PTPRD: variants seen among roughly 807,000 people sequenced by gnomAD.
The protein encoded by PTPRD is protein tyrosine phosphatase receptor type D.
A neutral mutation model predicts 214.5 loss-of-function variants in PTPRD; 34 were observed. The observed-to-expected ratio is 0.16, with a 90% CI of 0.12 to 0.21. PTPRD has a LOEUF of 0.21. Ranked by LOEUF, PTPRD falls within the 10% of genes least tolerant of loss-of-function variation. The pLI is 1.00. For missense variants in PTPRD, 2,545 were observed against 2,398.7 expected (o/e 1.06, Z -1.27); for synonymous variants, 1,128 against 845.7 (o/e 1.33, Z -5.79).
chr9:10,028,851 G>A (rs1583910), intron 4 of PTPRD, among the ~76,000 whole-genome samples: 1 of 152,148 alleles, frequency 6.6e-6, no homozygotes, highest in South Asian at 2.1e-4. Context: ...TAAGTAATGA[G>A]GATTCAAATT....
chr9:8,340,050 T>C lies in PTPRD; in HGVS notation c.5253+293A>G, dbSNP rs1850999135. On this transcript the variant is annotated intron_variant, in intron 42 of 45. Transcript: ENST00000381196. ...TGTCCAGAACAAAAGGCAGTAAGAA[T>C]ATGCTAAAAGAAGTCCGACATAAGT... 2.0e-5 allele frequency among the ~76,000 whole-genome samples: 3 copies of C among 152,092 alleles called. No homozygotes were observed. The South Asian group carries it at 6.2e-4, about 32-fold the overall frequency.
chr9:9,525,087 G>A (rs2073793265), intron 8 of PTPRD, among the ~76,000 whole-genome samples: 1 of 152,142 alleles, frequency 6.6e-6, no homozygotes, highest in South Asian at 2.1e-4. Context: ...TCGATCTCTT[G>A]ACCTCATGAT....
chr9:10,006,870 A>G (rs555531225), intron 4 of PTPRD, among the ~76,000 whole-genome samples: 1 of 152,098 alleles, frequency 6.6e-6, no homozygotes, highest in African/African-American at 2.4e-5. Flanking sequence ...ATATGGAACA[A>G]GGCTATTCTG....
rs150906305 is a variant in PTPRD at position 10,146,605 on chromosome 9, G to A, written c.-544-112815C>T. On this transcript the variant is annotated intron_variant, in intron 3 of 45. Transcript: ENST00000381196. ...GTCTTGAAAGCTAGAATTTTCTGAG[G>A]TGGAAATTTTTTCTAAAGCCCTTTA... Among the ~76,000 whole-genome samples the A allele has an allele frequency of 8.1e-4, 124 of 152,222 alleles. 3 individuals are homozygous for A. In the South Asian group the frequency reaches 0.024, roughly 30 times the overall value.
intron 9 of PTPRD, among the ~76,000 whole-genome samples, chr9:9,233,292 C>T (rs771493620): frequency 1.3e-4 from 20 of 152,196 alleles, no homozygotes; most frequent in African/African-American, 2.6e-4. Flanking sequence ...CATCAGATTT[C>T]GTGAGATCTC....
intron 11 of PTPRD, among the ~76,000 whole-genome samples, chr9:8,983,903 A>G (rs1349400981): frequency 6.6e-6 from 1 of 152,120 alleles, no homozygotes; most frequent in African/African-American, 2.4e-5. Context: ...AGGTTCAAAG[A>G]AATTAATTCA....
chr9:10,007,259 T>C (rs1489834842), intron 4 of PTPRD, among the ~76,000 whole-genome samples: 3 of 151,976 alleles, frequency 2.0e-5, no homozygotes, highest in Non-Finnish European at 4.4e-5. Context: ...ACTTTTACTT[T>C]ATCATGTTGG....
chr9:10,575,291 G>C (rs903600728), intron 2 of PTPRD, among the ~76,000 whole-genome samples: 2 of 151,936 alleles, frequency 1.3e-5, no homozygotes, highest in Non-Finnish European at 2.9e-5. Context: ...TGAAGAATAT[G>C]AAAGTTGGGA....
intron 11 of PTPRD, among the ~76,000 whole-genome samples, chr9:8,738,555 TA>T (rs542062239): frequency 6.3e-4 from 92 of 145,126 alleles, no homozygotes; most frequent in Admixed American, 1.2e-3. Flanking sequence ...TAGGCTATAT[TA>T]AAAAAAAAAA....
chr9:9,061,618 G>A (rs2099707560), intron 10 of PTPRD, among the ~76,000 whole-genome samples: 1 of 152,046 alleles, frequency 6.6e-6, no homozygotes, highest in South Asian at 2.1e-4. Flanking sequence ...AATGTAAGTG[G>A]AAAGGGTCAC....
rs1289772959 is a variant in PTPRD, at chr9:8,733,637, G to A, written c.64+143C>T. On this transcript the variant is annotated intron_variant, in intron 12 of 45. Transcript: ENST00000381196. Reference sequence around the variant, plus strand: ...ACGTCAATAATCTCTTTCAAAGGCTGGCTGGTAGCCAAGGAGGATCCCGCA... The same window carrying A: ...ACGTCAATAATCTCTTTCAAAGGCTAGCTGGTAGCCAAGGAGGATCCCGCA... 7 of 793,178 alleles carry A rather than the reference G, an allele frequency of 8.8e-6. No homozygotes were observed. In the Admixed American group the frequency reaches 1.6e-4, roughly 18 times the overall value. 49.1% of individuals were successfully genotyped at this position (793,178 alleles called of 1,614,324 possible).
intron 12 of PTPRD, among the ~76,000 whole-genome samples, chr9:8,670,940 G>C (rs373511803): frequency 6.6e-6 from 1 of 152,170 alleles, no homozygotes; most frequent in East Asian, 1.9e-4. Context: ...GAAGTAGGTG[G>C]TGAAGAATTA....
chr9:10,408,138 T>C (rs573926118), intron 2 of PTPRD, among the ~76,000 whole-genome samples: 48 of 151,646 alleles, frequency 3.2e-4, no homozygotes, highest in Non-Finnish European at 3.8e-4. Flanking sequence ...TCTACCTTTC[T>C]TGTGACTCCG....
chr9:9,357,751 G>A (rs1266093296), intron 9 of PTPRD, among the ~76,000 whole-genome samples: 1 of 150,856 alleles, frequency 6.6e-6, no homozygotes, highest in Non-Finnish European at 1.5e-5. Flanking sequence ...GGGCAATAGT[G>A]CAGACTATTT....
chr9:9,775,429 C>T (rs185887285), intron 5 of PTPRD, among the ~76,000 whole-genome samples: 3 of 152,274 alleles, frequency 2.0e-5, no homozygotes, highest in African/African-American at 7.2e-5. Flanking sequence ...TGTTTGACCT[C>T]ATTTCCCTCA....
rs541596941 is a variant in PTPRD, at chr9:9,255,009, G to A, written c.-202-71646C>T. Among the ~76,000 whole-genome samples, 54 of 152,094 alleles carry A rather than the reference G, an allele frequency of 3.6e-4. No homozygotes were observed. In the East Asian group the frequency reaches 8.2e-3, roughly 23 times the overall value. ...ATTTCTTTCATCATTATGCTTCTAT[G>A]ATATAGATGAGATTTTGTGGCTACA... On this transcript the variant is annotated intron_variant, in intron 9 of 45. Transcript: ENST00000381196.
rs140438876 is a variant in PTPRD, at chr9:9,010,960, A to C, written c.-104+7737T>G. Among the ~76,000 whole-genome samples the C allele has an allele frequency of 3.3e-5, 5 of 152,304 alleles. No individual in the cohort carries two copies. The South Asian group carries it at 8.3e-4, about 25-fold the overall frequency. On this transcript the variant is annotated intron_variant, in intron 11 of 45. Transcript: ENST00000381196. ...ATAAATACCATTATTTTTAAATTTT[A>C]ATGATTAATATTGATTATTTTGGTA...
chr9:8,779,649 T>G (rs1227413852), intron 11 of PTPRD, among the ~76,000 whole-genome samples: 1 of 152,046 alleles, frequency 6.6e-6, no homozygotes, highest in African/African-American at 2.4e-5. Flanking sequence ...TGCCACTATC[T>G]CCTCAGCCAT....
chr9:9,044,657 A>G (rs1252853897), intron 10 of PTPRD, among the ~76,000 whole-genome samples: 3 of 152,208 alleles, frequency 2.0e-5, no homozygotes, highest in Non-Finnish European at 4.4e-5. Context: ...ATTTATCAGG[A>G]CCTATCAAGT....
Sources: allele counts gnomAD v4.1 joint callset (sites outside exome capture counted in the v4.1 genomes callset), GRCh38; gene constraint gnomAD v4.1.1; transcripts MANE v1.5; gene names NCBI Gene and HGNC (gene_info 2026-07-23, HGNC 2026-07-21).